The following SKAP2 variants were observed in gnomAD, a reference collection of about 807,000 sequenced individuals.
The protein encoded by SKAP2 is src kinase associated phosphoprotein 2.
SKAP2 carries 28 observed loss-of-function variants against 54.9 expected under a neutral mutation model. That is an observed-to-expected ratio of 0.51 (90% CI 0.38 to 0.70). The LOEUF (loss-of-function observed/expected upper bound fraction) is 0.70, where lower values mean the gene tolerates loss of function less well. Ranked by LOEUF, SKAP2 falls within the 30% of genes least tolerant of loss-of-function variation. The pLI, the probability that SKAP2 is intolerant of heterozygous loss-of-function variation, is 0.00. For missense variants in SKAP2, 356 were observed against 424.1 expected (o/e 0.84, Z 1.41); for synonymous variants, 137 against 134.3 (o/e 1.02, Z -0.14).
At chr7:26,660,956 G>A in the SKAP2 span, among the ~76,000 whole-genome samples, 3 of 152,108 alleles carry the variant, frequency 2.0e-5, no homozygotes, top group East Asian at 5.8e-4. Context: ...ACAATTGCTA[G>A]ACTAGAAAAT....
chr7:26,841,976 A>G (rs1784826044), intron 4 of SKAP2, among the ~76,000 whole-genome samples: 2 of 151,988 alleles, frequency 1.3e-5, no homozygotes, highest in Non-Finnish European at 2.9e-5. Flanking sequence ...CTGAGGTCAC[A>G]TAATGAAGCA....
At position 26,839,984 on chromosome 7, in the gene SKAP2, T is replaced by C. The variant is rs533153563; in HGVS notation, c.307+4046A>G. Among the ~76,000 whole-genome samples, 109 of 152,030 alleles carry C rather than the reference T, an allele frequency of 7.2e-4. 1 individual carries two copies. The highest frequency in any genetic ancestry group is 2.5e-3 in the African/African-American group (105 of 41,536). ...CATTGGATTTTTGTAAAGAAAAGTATACCAAAAAAAATTTTTAATATTATA... is the reference window on the plus strand; with the variant it reads ...CATTGGATTTTTGTAAAGAAAAGTACACCAAAAAAAATTTTTAATATTATA... On this transcript the variant is annotated intron_variant, in intron 4 of 12. Transcript: ENST00000345317.
intron 4 of SKAP2, among the ~76,000 whole-genome samples, chr7:26,831,917 T>C (rs1784603808): frequency 6.6e-6 from 1 of 152,144 alleles, no homozygotes; most frequent in African/African-American, 2.4e-5. Flanking sequence ...CCTTTCTCAG[T>C]CATGTTAGTC....
chr7:26,837,937 A>G (rs1355157258), intron 4 of SKAP2, among the ~76,000 whole-genome samples: 1 of 152,210 alleles, frequency 6.6e-6, no homozygotes, highest in African/African-American at 2.4e-5. Flanking sequence ...GTTGACAGAC[A>G]TGAATTCAAA....
intron 4 of SKAP2, among the ~76,000 whole-genome samples, chr7:26,814,563 CAAA>C (rs397889100): frequency 0.32 from 28,548 of 89,884 alleles, 2,665 homozygotes; most frequent in Middle Eastern, 0.35. Flanking sequence ...CTTACACCAG[CAAA>C]AAAAAAAAAA....
chr7:26,784,087 C>T (rs1257779505), intron 4 of SKAP2, among the ~76,000 whole-genome samples: 1 of 150,208 alleles, frequency 6.7e-6, no homozygotes, highest in African/African-American at 2.5e-5. Flanking sequence ...CCCCCATCTC[C>T]AGTTAGGGAG....
intron 4 of SKAP2, among the ~76,000 whole-genome samples, chr7:26,795,069 T>C (rs778346517): frequency 7.9e-5 from 12 of 152,180 alleles, no homozygotes; most frequent in Non-Finnish European, 1.6e-4. Flanking sequence ...TGAGAACCAA[T>C]TAAAGAGATT....
chr7:26,819,373 C>T (rs539866536), intron 4 of SKAP2, among the ~76,000 whole-genome samples: 6 of 152,010 alleles, frequency 3.9e-5, no homozygotes, highest in African/African-American at 1.4e-4. Flanking sequence ...ACAATGAGAA[C>T]ACATGGACAC....
intron 11 of SKAP2, among the ~76,000 whole-genome samples, chr7:26,670,686 CCTT>C (rs66635258): frequency 0.081 from 12,349 of 151,886 alleles, 575 homozygotes; most frequent in Middle Eastern, 0.17. Context: ...GATGTGTGCC[CCTT>C]CTTAAGAAAA....
intron 4 of SKAP2, among the ~76,000 whole-genome samples, chr7:26,841,133 TA>T (rs754076608): frequency 2.6e-5 from 4 of 152,010 alleles, no homozygotes; most frequent in Non-Finnish European, 5.9e-5. Context: ...TATTAATGAG[TA>T]GACATGACTA....
intron 4 of SKAP2, among the ~76,000 whole-genome samples, chr7:26,760,095 T>A (rs1782892243): frequency 1.3e-5 from 2 of 152,180 alleles, no homozygotes; most frequent in Non-Finnish European, 2.9e-5. Context: ...TTAGATAAAA[T>A]GACAGATCTT....
Position 26,744,952 on chromosome 7 carries a change from C to G in SKAP2, c.308-4988G>C, listed in dbSNP as rs142408132. 1.1e-3 allele frequency among the ~76,000 whole-genome samples: 173 copies of G among 152,240 alleles called. 1 individual carries two copies. The highest frequency in any genetic ancestry group is 4.0e-3 in the African/African-American group (165 of 41,540). On this transcript the variant is annotated intron_variant, in intron 4 of 12. Coordinates refer to ENST00000345317, the MANE Select transcript of SKAP2 (RefSeq NM_003930.5). The stretch of plus-strand genomic sequence containing the variant: ...TGCTAGACTTCTAAGGAATCCAAAG[C>G]CTTATTTTTACTATTTTATCATCAA...
chr7:26,861,470 T>C (rs1033653894), intron 1 of SKAP2, among the ~76,000 whole-genome samples: 6 of 152,120 alleles, frequency 3.9e-5, no homozygotes, highest in East Asian at 1.9e-4. Context: ...TTTCTGTTCA[T>C]ATAACCAAAA....
chr7:26,846,364 A>C (rs2127996494), intron 3 of SKAP2, among the ~76,000 whole-genome samples: 1 of 152,306 alleles, frequency 6.6e-6, no homozygotes, highest in Middle Eastern at 3.4e-3. Context: ...AAACAGAAAA[A>C]ATTAAAACTT....
rs35643377 is a variant in SKAP2 at position 26,722,385 on chromosome 7, A to ATTTT, written c.796+3039_796+3042dup. ...TTTTCAAGGGATATTATGCAATGCA[A>ATTTT]TTTTTTTTTTTTTTTTTTTTTTTTG... is the stretch of plus-strand genomic sequence containing the variant. On this transcript the variant is annotated intron_variant, in intron 9 of 12. Coordinates refer to ENST00000345317, the MANE Select transcript of SKAP2 (RefSeq NM_003930.5). Among the ~76,000 whole-genome samples, 267 of 89,042 alleles carry ATTTT rather than the reference A, an allele frequency of 3.0e-3. 1 individual carries two copies. The highest frequency in any genetic ancestry group is 4.1e-3 in the African/African-American group (90 of 22,130). The allele number at this position is 89,042 out of a possible 152,430, so 58.4% of individuals were successfully genotyped here.
At chr7:26,710,665 G>A (rs1417781467) in intron 9 of SKAP2, among the ~76,000 whole-genome samples, 11 of 152,162 alleles carry the variant, frequency 7.2e-5, no homozygotes, top group Admixed American at 3.9e-4. Context: ...GCAAGACTGT[G>A]GAAGACCTTT....
At chr7:26,803,057 G>T (rs1223732039) in intron 4 of SKAP2, among the ~76,000 whole-genome samples, 3 of 152,118 alleles carry the variant, frequency 2.0e-5, no homozygotes, top group Admixed American at 6.5e-5. Context: ...ACATTAGTCT[G>T]GGTAAAGACT....
At chr7:26,661,263 C>G in the SKAP2 span, among the ~76,000 whole-genome samples, 1 of 152,006 alleles carries the variant, frequency 6.6e-6, no homozygotes, top group East Asian at 1.9e-4. Flanking sequence ...AAACTACAAA[C>G]CAAGATTAGT....
At chr7:26,714,296 T>C (rs879737023) in intron 9 of SKAP2, among the ~76,000 whole-genome samples, 2 of 152,146 alleles carry the variant, frequency 1.3e-5, no homozygotes, top group African/African-American at 2.4e-5. Context: ...GTCCTTATTA[T>C]ATATATTAAA....
Sources: allele counts gnomAD v4.1 joint callset (sites outside exome capture counted in the v4.1 genomes callset), GRCh38; gene constraint gnomAD v4.1.1; transcripts MANE v1.5; gene names NCBI Gene and HGNC (gene_info 2026-07-23, HGNC 2026-07-21).